YWHAZ: variants seen among roughly 807,000 people sequenced by gnomAD.
YWHAZ encodes 14-3-3 protein zeta/delta.
For missense variants in YWHAZ, 79 were observed against 284.8 expected, an observed-to-expected ratio of 0.28 and a Z score of 5.20; for synonymous variants, 87 against 103.6, an observed-to-expected ratio of 0.84 and a Z score of 0.97.
upstream of YWHAZ, chr8:100,952,209 G>C: frequency 1.0e-6 from 1 of 963,600 alleles, no homozygotes; most frequent in Non-Finnish European, 1.2e-6. Flanking sequence ...CTGCCCGCCC[G>C]CGCTGGAGGG....
At chr8:100,945,216 T>C (rs1810178842) in intron 2 of YWHAZ, among the ~76,000 whole-genome samples, 1 of 152,214 alleles carries the variant, frequency 6.6e-6, no homozygotes, top group South Asian at 2.1e-4. Context: ...AGCATGCCAG[T>C]GACCACTTCC....
chr8:100,952,688 GCGGGGCGGGGGCCC>G (rs1235795572), upstream of YWHAZ: 53 of 688,668 alleles, frequency 7.7e-5, no homozygotes, highest in African/African-American at 3.1e-4. Flanking sequence ...ATCAGGACTT[GCGGGGCGGGGGCCC>G]CGGGGCGGGG....
chr8:100,940,841 T>C (rs1194955727), intron 2 of YWHAZ, among the ~76,000 whole-genome samples: 1 of 152,228 alleles, frequency 6.6e-6, no homozygotes, highest in Admixed American at 6.5e-5. Context: ...AAAGACTGCA[T>C]GGCTCATGCT....
At chr8:100,953,060 G>A (rs1451637), upstream of YWHAZ, 189 of 998,052 alleles carry the variant, frequency 1.9e-4, 3 homozygotes, top group Admixed American at 0.011. Flanking sequence ...GGTGAGGCCT[G>A]GAAGGAGGCG....
chr8:100,951,314 C>T, intron 1 of YWHAZ: 1 of 984,548 alleles, frequency 1.0e-6, no homozygotes. Context: ...GTCCCCGAGG[C>T]CCCCGGCCCC....
intron 2 of YWHAZ, among the ~76,000 whole-genome samples, chr8:100,941,452 C>G (rs541460772): frequency 3.3e-5 from 5 of 152,078 alleles, no homozygotes; most frequent in African/African-American, 1.2e-4. Context: ...ACTCTAGATC[C>G]CAAAAATTGT....
chr8:100,925,788 A>C (rs1813320665), intron 2 of YWHAZ, among the ~76,000 whole-genome samples: 2 of 152,210 alleles, frequency 1.3e-5, no homozygotes, highest in Non-Finnish European at 2.9e-5. Context: ...GATTTTAAAA[A>C]TTACACTCTT....
At chr8:100,946,895 A>C (rs1810323335) in intron 2 of YWHAZ, among the ~76,000 whole-genome samples, 1 of 151,232 alleles carries the variant, frequency 6.6e-6, no homozygotes, top group African/African-American at 2.4e-5. Flanking sequence ...CAAAAAAAAA[A>C]AACAAAAAAA....
chr8:100,950,528 C>T (rs1810644176), intron 1 of YWHAZ: 1 of 985,658 alleles, frequency 1.0e-6, no homozygotes, highest in Non-Finnish European at 1.2e-6. Flanking sequence ...GGAGCCACGG[C>T]TCAAGTCCCC....
intron 2 of YWHAZ, among the ~76,000 whole-genome samples, chr8:100,933,069 G>T (rs1813870269): frequency 6.6e-6 from 1 of 152,136 alleles, no homozygotes; most frequent in Non-Finnish European, 1.5e-5. Flanking sequence ...CATGAAAATA[G>T]TTGTGACCTG....
In YWHAZ at chr8:100,946,590, C is replaced by T. The variant is rs1195775704; in HGVS notation, c.294+2006G>A. ...AAACAAACATACACAAAAAACAAAC[C>T]TGCTACAAGTCTTTTCCTTGGAAAA... On this transcript the variant is annotated intron_variant, in intron 2 of 5. Coordinates refer to ENST00000395958, the MANE Select transcript of YWHAZ (RefSeq NM_145690.3). 2.0e-5 allele frequency among the ~76,000 whole-genome samples: 3 copies of T among 152,158 alleles called. No homozygotes were observed. In the East Asian group the frequency reaches 5.8e-4, roughly 29 times the overall value.
At position 100,920,429 on chromosome 8, in the gene YWHAZ, T is replaced by C; in HGVS notation, c.*264A>G. ...AAGCCACAATGTACCAAAAGTACTA[T>C]GCCAAACACTTATAACTTGTATAAA... is the stretch of plus-strand genomic sequence containing the variant. On this transcript the variant is annotated 3_prime_UTR_variant, in exon 6 of 6. Transcript: ENST00000395958. The C allele has an allele frequency of 4.3e-6, 2 of 463,388 alleles. No individual in the cohort carries two copies. Among genetic ancestry groups the C allele is most frequent in the Non-Finnish European group, 3.8e-6 (1 of 261,426 alleles). The allele number at this position is 463,388 out of a possible 1,614,324, so 28.7% of individuals were successfully genotyped here. A position where few individuals can be genotyped will look rare whatever the true frequency, so the allele number is the denominator to read the frequency against.
At position 100,917,182 on chromosome 8, in the gene YWHAZ, T is replaced by C. The variant is rs1344330605; in HGVS notation, c.*3511A>G. 1.3e-5 allele frequency: 2 copies of C among 152,196 alleles called. No individual in the cohort carries two copies. Among genetic ancestry groups the C allele is most frequent in the Admixed American group, 1.3e-4 (2 of 15,284 alleles). 9.4% of individuals were successfully genotyped at this position (152,196 alleles called of 1,614,324 possible). On this transcript the variant is annotated 3_prime_UTR_variant, in exon 6 of 6. Coordinates refer to ENST00000395958, the MANE Select transcript of YWHAZ (RefSeq NM_145690.3). ...CTTTGACTCATTTTAAAATATGCATTGAGCCATGACAAGACTGGTGACTCT... is the reference window on the plus strand; with the variant it reads ...CTTTGACTCATTTTAAAATATGCATCGAGCCATGACAAGACTGGTGACTCT...
chr8:100,946,403 A>T (rs1810272212), intron 2 of YWHAZ, among the ~76,000 whole-genome samples: 1 of 152,158 alleles, frequency 6.6e-6, no homozygotes, highest in South Asian at 2.1e-4. Context: ...TACAAAAATT[A>T]GCTGGGCGTG....
chr8:100,926,498 A>T (rs1317459803), intron 2 of YWHAZ, among the ~76,000 whole-genome samples: 1 of 152,130 alleles, frequency 6.6e-6, no homozygotes, highest in Non-Finnish European at 1.5e-5. Context: ...AGGCGTGGTG[A>T]CGGGCGCCTG....
At chr8:100,929,303 G>A (rs866151569) in intron 2 of YWHAZ, among the ~76,000 whole-genome samples, 3 of 151,428 alleles carry the variant, frequency 2.0e-5, no homozygotes, top group Non-Finnish European at 2.9e-5. Context: ...GAGTTCAAGC[G>A]TTTCTCCTGC....
At chr8:100,950,682 G>T (rs1441361820) in intron 1 of YWHAZ, 1 of 823,430 alleles carries the variant, frequency 1.2e-6, no homozygotes, top group Non-Finnish European at 1.5e-6. Context: ...GATGGGGAGC[G>T]AAGCCGCCCG....
chr8:100,933,834 C>T (rs1209039564), intron 2 of YWHAZ, among the ~76,000 whole-genome samples: 1 of 151,910 alleles, frequency 6.6e-6, no homozygotes, highest in East Asian at 1.9e-4. Context: ...ATAGCAAGAC[C>T]CCATCTCTAC....
At chr8:100,950,418 G>T in intron 1 of YWHAZ, 1 of 985,480 alleles carries the variant, frequency 1.0e-6, no homozygotes, top group Non-Finnish European at 1.2e-6. Context: ...GACTTGAGAC[G>T]TCGGTTACTG....
Sources: allele counts gnomAD v4.1 joint callset (sites outside exome capture counted in the v4.1 genomes callset), GRCh38; gene constraint gnomAD v4.1.1; transcripts MANE v1.5; gene names NCBI Gene and HGNC (gene_info 2026-07-23, HGNC 2026-07-21).